NRG1: variants seen among roughly 807,000 people sequenced by gnomAD.
The protein encoded by NRG1 is pro-neuregulin-1, membrane-bound isoform.
NRG1 carries 18 observed loss-of-function variants against 63.8 expected under a neutral mutation model. That is an observed-to-expected ratio of 0.28 (90% CI 0.19 to 0.42). The LOEUF (loss-of-function observed/expected upper bound fraction) is 0.42, where lower values mean the gene tolerates loss of function less well. Among genes scored for constraint, NRG1 ranks in the 10% least tolerant of loss-of-function variants. NRG1 has a pLI of 1.00. For missense variants in NRG1, 762 were observed against 814.7 expected, an observed-to-expected ratio of 0.94 and a Z score of 0.79; for synonymous variants, 302 against 301.3, an observed-to-expected ratio of 1.00 and a Z score of -0.02.
chr8:32,769,536 G>A (rs1208197784), downstream of NRG1, among the ~76,000 whole-genome samples: 1 of 152,128 alleles, frequency 6.6e-6, no homozygotes, highest in Non-Finnish European at 1.5e-5. Flanking sequence ...TATAAGGCAG[G>A]TCTGAAATCT....
At chr8:32,539,264 G>A (rs760495532) in intron 1 of NRG1, among the ~76,000 whole-genome samples, 1 of 152,160 alleles carries the variant, frequency 6.6e-6, no homozygotes, top group African/African-American at 2.4e-5. Context: ...CAAGATAATC[G>A]CTCTATTTTA....
intron 1 of NRG1, among the ~76,000 whole-genome samples, chr8:32,333,510 A>C (rs776988148): frequency 4.6e-5 from 7 of 152,194 alleles, no homozygotes; most frequent in Non-Finnish European, 8.8e-5. Flanking sequence ...AGATTTTAGA[A>C]AGAATAAATT....
chr8:31,820,886 A>ACC (rs1823940550), intron 1 of NRG1, among the ~76,000 whole-genome samples: 1 of 152,196 alleles, frequency 6.6e-6, no homozygotes, highest in African/African-American at 2.4e-5. Context: ...CTAGGTGTGA[A>ACC]ACATGAGTGG....
chr8:31,922,295 T>G (rs1833985358), intron 1 of NRG1, among the ~76,000 whole-genome samples: 1 of 152,174 alleles, frequency 6.6e-6, no homozygotes, highest in Admixed American at 6.5e-5. Context: ...TGAGTGGACT[T>G]GGCTTCTCCC....
intron 1 of NRG1, among the ~76,000 whole-genome samples, chr8:32,549,644 A>G (rs1028111138): frequency 2.0e-5 from 3 of 152,220 alleles, no homozygotes; most frequent in African/African-American, 7.2e-5. Context: ...TCTATATAAT[A>G]AAATGGCAAT....
intron 5 of NRG1, among the ~76,000 whole-genome samples, chr8:32,691,718 G>A (rs1156925290): frequency 6.6e-6 from 1 of 152,164 alleles, no homozygotes; most frequent in Non-Finnish European, 1.5e-5. Flanking sequence ...GTTAAATGAA[G>A]GAAGAACAGC....
intron 5 of NRG1, among the ~76,000 whole-genome samples, chr8:32,670,470 A>G (rs1282238855): frequency 1.3e-5 from 2 of 151,986 alleles, no homozygotes; most frequent in East Asian, 3.9e-4. Flanking sequence ...GTTATTAGTG[A>G]TATTTTGGGA....
chr8:32,029,468 G>A (rs1361646291), intron 1 of NRG1: 5 of 152,208 alleles, frequency 3.3e-5, no homozygotes, highest in Admixed American at 6.5e-5. Context: ...AAATGGAAAT[G>A]AGGTGCAGAA....
At chr8:32,749,452 C>A in intron 7 of NRG1, 2 of 1,124,514 alleles carry the variant, frequency 1.8e-6, no homozygotes, top group Non-Finnish European at 2.7e-6. Context: ...TGTGCATGCA[C>A]AGAGAGCCAT....
intron 1 of NRG1, among the ~76,000 whole-genome samples, chr8:32,390,839 C>A (rs115044597): frequency 0.013 from 1,920 of 151,860 alleles, 40 homozygotes; most frequent in African/African-American, 0.039. Context: ...AGTAGCTGGA[C>A]CTGACTAAGC....
intron 3 of NRG1, among the ~76,000 whole-genome samples, chr8:32,612,257 AT>A (rs1195105481): frequency 6.6e-6 from 1 of 152,100 alleles, no homozygotes; most frequent in Non-Finnish European, 1.5e-5. Flanking sequence ...ATTACTTTCA[AT>A]TTACTTTTAA....
intron 1 of NRG1, among the ~76,000 whole-genome samples, chr8:32,485,316 G>C (rs1204030042): frequency 2.6e-5 from 4 of 151,752 alleles, no homozygotes; most frequent in African/African-American, 9.7e-5. Flanking sequence ...ATGTTGGTCA[G>C]GCTGGTCTCC....
intron 1 of NRG1, among the ~76,000 whole-genome samples, chr8:32,540,407 A>G (rs187650716): frequency 6.6e-6 from 1 of 152,314 alleles, no homozygotes; most frequent in African/African-American, 2.4e-5. Context: ...AATGACTTCC[A>G]TGTCATTCTG....
At chr8:32,609,263 A>G (rs907916818) in intron 3 of NRG1, among the ~76,000 whole-genome samples, 1 of 152,096 alleles carries the variant, frequency 6.6e-6, no homozygotes, top group Non-Finnish European at 1.5e-5. Context: ...ATCCTCTTCC[A>G]CTGCTATCTA....
At chr8:32,295,159 T>C (rs1381012232) in intron 1 of NRG1, among the ~76,000 whole-genome samples, 2 of 152,162 alleles carry the variant, frequency 1.3e-5, no homozygotes, top group Non-Finnish European at 2.9e-5. Context: ...TAAGACAAAA[T>C]TTTCAGCAAA....
At chr8:32,552,488 G>C (rs892458791) in intron 1 of NRG1, among the ~76,000 whole-genome samples, 3 of 152,114 alleles carry the variant, frequency 2.0e-5, no homozygotes, top group Non-Finnish European at 4.4e-5. Context: ...GAAGCAGGCT[G>C]TGTGTTTCCC....
intron 5 of NRG1, among the ~76,000 whole-genome samples, chr8:32,701,951 T>C (rs182618826): frequency 6.6e-6 from 1 of 152,302 alleles, no homozygotes; most frequent in East Asian, 1.9e-4. Context: ...TAAGATTTCA[T>C]CACAAGATAA....
intron 1 of NRG1, among the ~76,000 whole-genome samples, chr8:31,945,070 A>C (rs1802335135): frequency 6.6e-6 from 1 of 152,200 alleles, no homozygotes; most frequent in Admixed American, 6.5e-5. Context: ...GGGATGGATT[A>C]CATAACATTC....
chr8:32,017,596 A>G lies in NRG1; in HGVS notation c.37+378165A>G, dbSNP rs535213052. Among the ~76,000 whole-genome samples the G allele has an allele frequency of 6.6e-5, 10 of 152,342 alleles. No individual in the cohort carries two copies. In the South Asian group the frequency reaches 8.3e-4, roughly 13 times the overall value. ...TACATGCGCTTCTGACCAATTGTCTATAAATCAGGGTTCCCATGACCCCTT... is the reference window on the plus strand; with the variant it reads ...TACATGCGCTTCTGACCAATTGTCTGTAAATCAGGGTTCCCATGACCCCTT... On this transcript the variant is annotated intron_variant, in intron 1 of 10. Coordinates refer to the NRG1 transcript ENST00000519301.
Sources: allele counts gnomAD v4.1 joint callset (sites outside exome capture counted in the v4.1 genomes callset), GRCh38; gene constraint gnomAD v4.1.1; transcripts MANE v1.5; gene names NCBI Gene and HGNC (gene_info 2026-07-23, HGNC 2026-07-21).